Variants in ZHX2 observed in about 807,000 individuals in gnomAD.
ZHX2 encodes the protein zinc fingers and homeoboxes 2.
ZHX2 carries 6 observed loss-of-function variants against 21.9 expected under a neutral mutation model. The observed-to-expected ratio is 0.27, with a 90% CI of 0.15 to 0.54. The LOEUF (loss-of-function observed/expected upper bound fraction) is 0.54. ZHX2 is among the 20% of genes least tolerant of loss of function. The pLI is 0.95. For synonymous variants in ZHX2, 434 were observed against 437.1 expected, an observed-to-expected ratio of 0.99 and a Z score of 0.09; for missense variants, 908 against 1,090.7, an observed-to-expected ratio of 0.83 and a Z score of 2.36.
intron 2 of ZHX2, among the ~76,000 whole-genome samples, chr8:122,885,678 G>C (rs1819823244): frequency 6.6e-6 from 1 of 152,096 alleles, no homozygotes; most frequent in Non-Finnish European, 1.5e-5. Context: ...GCATCTAGTG[G>C]GTGAAGGATT....
At chr8:122,934,610 C>T (rs995264110) in intron 2 of ZHX2, among the ~76,000 whole-genome samples, 1 of 148,834 alleles carries the variant, frequency 6.7e-6, no homozygotes, top group African/African-American at 2.6e-5. Context: ...TTCCTTCCTT[C>T]CTTCCTTCCT....
chr8:122,838,573 ATTTTTT>A (rs34833602), intron 1 of ZHX2, among the ~76,000 whole-genome samples: 13 of 117,918 alleles, frequency 1.1e-4, no homozygotes, highest in African/African-American at 3.3e-4. Context: ...TAGTAATGTG[ATTTTTT>A]TTTTTTTTTT....
At chr8:122,872,381 T>C (rs1363628395) in intron 2 of ZHX2, among the ~76,000 whole-genome samples, 1 of 152,202 alleles carries the variant, frequency 6.6e-6, no homozygotes, top group Non-Finnish European at 1.5e-5. Context: ...TGTAGGCATT[T>C]GGTCCATCTA....
In ZHX2 at chr8:122,781,826, C is replaced by G. The variant is rs2130497472; in HGVS notation, c.-403C>G. 6.6e-6 allele frequency: 1 copy of G among 152,406 alleles called. No homozygotes were observed. Among genetic ancestry groups the G allele is most frequent in the African/African-American group, 2.4e-5 (1 of 41,536 alleles). The allele number at this position is 152,406 out of a possible 1,614,324, so 9.4% of individuals were successfully genotyped here. ...CCCCCTCTTTCCCACGGAGCCCGAG[C>G]CGGGCGCCCGGTGGGGAGTGGGGAG... On this transcript the variant is annotated 5_prime_UTR_variant, in exon 1 of 4. Transcript: ENST00000314393. The surrounding 1 kb of genome is among the most constrained non-coding windows in gnomAD (Gnocchi z 4.6).
chr8:122,868,493 C>G (rs903451145), intron 2 of ZHX2, among the ~76,000 whole-genome samples: 1 of 151,764 alleles, frequency 6.6e-6, no homozygotes. Flanking sequence ...ACAAAATATG[C>G]TTTAAAAAAT....
chr8:122,958,909 T>C (rs1300371562), intron 3 of ZHX2, among the ~76,000 whole-genome samples: 1 of 152,190 alleles, frequency 6.6e-6, no homozygotes, highest in Non-Finnish European at 1.5e-5. Flanking sequence ...CCCTACCTAA[T>C]CTCAGTTAAT....
intron 1 of ZHX2, among the ~76,000 whole-genome samples, chr8:122,815,176 T>C (rs1406677832): frequency 6.6e-6 from 1 of 152,220 alleles, no homozygotes; most frequent in Admixed American, 6.5e-5. Flanking sequence ...TCTTAATAGT[T>C]CCCATTTATT....
chr8:122,826,571 C>T (rs117689179), intron 1 of ZHX2, among the ~76,000 whole-genome samples: 18 of 152,248 alleles, frequency 1.2e-4, no homozygotes, highest in African/African-American at 3.4e-4. Flanking sequence ...GCTGAAGCGC[C>T]GGGCAGTGTA....
At chr8:122,860,585 G>C (rs1819140347) in intron 1 of ZHX2, among the ~76,000 whole-genome samples, 1 of 152,142 alleles carries the variant, frequency 6.6e-6, no homozygotes, top group African/African-American at 2.4e-5. Context: ...GTAACTTTAG[G>C]ACCTGAGTAA....
intron 1 of ZHX2, among the ~76,000 whole-genome samples, chr8:122,857,831 G>A (rs1819062922): frequency 6.6e-6 from 1 of 151,968 alleles, no homozygotes; most frequent in South Asian, 2.1e-4. Context: ...CTTCACAGTT[G>A]CTGTAAAAAA....
intron 1 of ZHX2, among the ~76,000 whole-genome samples, chr8:122,843,440 G>T (rs1187943000): frequency 6.6e-6 from 1 of 152,216 alleles, no homozygotes; most frequent in Admixed American, 6.5e-5. Context: ...TCATTACCCA[G>T]GACTTTCTGG....
intron 2 of ZHX2, among the ~76,000 whole-genome samples, chr8:122,873,939 T>C (rs930171104): frequency 1.3e-5 from 2 of 152,160 alleles, no homozygotes; most frequent in Non-Finnish European, 2.9e-5. Context: ...GACTCTGACG[T>C]TCATTGGCTT....
At chr8:122,792,508 G>T (rs1345456104) in intron 1 of ZHX2, among the ~76,000 whole-genome samples, 1 of 152,178 alleles carries the variant, frequency 6.6e-6, no homozygotes, top group Non-Finnish European at 1.5e-5. Flanking sequence ...TTGCTGGGTT[G>T]TATAGTAACT....
At chr8:122,807,592 G>T (rs1242095666) in intron 1 of ZHX2, among the ~76,000 whole-genome samples, 1 of 152,216 alleles carries the variant, frequency 6.6e-6, no homozygotes, top group Admixed American at 6.5e-5. Context: ...CTGAGCACTG[G>T]GTCAGGAGTG....
At chr8:122,792,223 A>G (rs527351152) in intron 1 of ZHX2, among the ~76,000 whole-genome samples, 7 of 152,304 alleles carry the variant, frequency 4.6e-5, no homozygotes, top group African/African-American at 1.7e-4. Context: ...TGCACATTTT[A>G]TATAGGTGAA....
chr8:122,843,959 TCACACACACACA>T (rs3221811), intron 1 of ZHX2, among the ~76,000 whole-genome samples: 2 of 148,820 alleles, frequency 1.3e-5, no homozygotes, highest in Non-Finnish European at 3.0e-5. Flanking sequence ...TTCTCACCCT[TCACACACACACA>T]CACACACACA....
chr8:122,911,138 C>A (rs1820471375), intron 2 of ZHX2, among the ~76,000 whole-genome samples: 1 of 152,166 alleles, frequency 6.6e-6, no homozygotes, highest in South Asian at 2.1e-4. Flanking sequence ...AAACATACTT[C>A]TCACTGTGGG....
intron 1 of ZHX2, among the ~76,000 whole-genome samples, chr8:122,835,266 G>T: frequency 6.6e-6 from 1 of 152,230 alleles, no homozygotes; most frequent in Non-Finnish European, 1.5e-5. Context: ...TCTAGCACCG[G>T]CGCTGAAGTA....
At chr8:122,852,335 C>T (rs939680095) in intron 1 of ZHX2, among the ~76,000 whole-genome samples, 8 of 152,044 alleles carry the variant, frequency 5.3e-5, no homozygotes, top group African/African-American at 1.2e-4. Context: ...ATAATAGTGA[C>T]TCTTATTTCT....
Sources: gnomAD v4.1 joint callset for allele counts (sites outside exome capture counted in the v4.1 genomes callset) on GRCh38, gnomAD v4.1.1 for gene constraint, Gnocchi (gnomAD v3.1) non-coding constraint, MANE v1.5 for transcripts, NCBI Gene and HGNC (gene_info 2026-07-23, HGNC 2026-07-21) for gene names.